The following GPATCH1 variants were observed in gnomAD, a reference collection of about 807,000 sequenced individuals.
GPATCH1 encodes the protein G-patch domain containing 1, also known as G patch domain-containing protein 1.
Under a neutral mutation model 114.9 loss-of-function variants are expected in GPATCH1, and 73 were observed. The ratio of observed to expected loss-of-function variants is 0.64; its 90% CI spans 0.53 to 0.77. GPATCH1 has a LOEUF of 0.77. Among genes scored for constraint, GPATCH1 ranks in the 30% least tolerant of loss-of-function variants. GPATCH1 has a pLI of 0.00. For synonymous variants in GPATCH1, 391 were observed against 428.4 expected (o/e 0.91, Z 1.08); for missense variants, 1,058 against 1,144.3 (o/e 0.92, Z 1.09).
intron 17 of GPATCH1, among the ~76,000 whole-genome samples, chr19:33,123,949 G>A (rs6510354): frequency 0.21 from 32,152 of 151,628 alleles, 4,793 homozygotes; most frequent in African/African-American, 0.41. Flanking sequence ...TGCCTCCTGG[G>A]TTCAAGTGAT....
At position 33,116,553 on chromosome 19, in the gene GPATCH1, G is replaced by A. The variant is rs572491698; in HGVS notation, c.2197-1272G>A. Among the ~76,000 whole-genome samples the A allele has an allele frequency of 6.3e-4, 96 of 152,184 alleles. 1 individual carries two copies. The highest frequency in any genetic ancestry group is 1.3e-4 in the Non-Finnish European group (9 of 68,004). The stretch of plus-strand genomic sequence containing the variant: ...GTTTTGTTTGTTTGTTTTTTGAGAC[G>A]GAGTCTCGCTCTGTCACCCAGGCTG... On this transcript the variant is annotated intron_variant, in intron 15 of 19. Coordinates refer to ENST00000170564, the MANE Select transcript of GPATCH1 (RefSeq NM_018025.3).
intron 8 of GPATCH1, among the ~76,000 whole-genome samples, chr19:33,099,471 G>T (rs1972699817): frequency 6.6e-6 from 1 of 151,820 alleles, no homozygotes; most frequent in Non-Finnish European, 1.5e-5. Flanking sequence ...CTCTGCTGTG[G>T]CCTCTCTCCC....
intron 2 of GPATCH1, among the ~76,000 whole-genome samples, chr19:33,089,291 G>A (rs1372010849): frequency 6.6e-6 from 1 of 152,168 alleles, no homozygotes; most frequent in Non-Finnish European, 1.5e-5. Context: ...CATGGCGTTA[G>A]TGCTGAGGGA....
chr19:33,125,045 T>G, intron 17 of GPATCH1, 60 bp from the exon 18 acceptor site: 1 of 1,544,170 alleles, frequency 6.5e-7, no homozygotes, highest in Non-Finnish European at 8.8e-7. Context: ...GGAGCTTAGT[T>G]TTGGATAGTC....
At chr19:33,127,424 G>A (rs1973054347) in intron 19 of GPATCH1, among the ~76,000 whole-genome samples, 2 of 151,618 alleles carry the variant, frequency 1.3e-5, no homozygotes, top group African/African-American at 4.8e-5. Context: ...GCTGAGGCAG[G>A]AGAATGGCGT....
chr19:33,120,868 T>C (rs1972975895), intron 17 of GPATCH1, among the ~76,000 whole-genome samples: 1 of 151,734 alleles, frequency 6.6e-6, no homozygotes, highest in African/African-American at 2.4e-5. Flanking sequence ...CATGTGCCTG[T>C]AGTCCCAGCT....
chr19:33,099,971 A>T (rs1360956859), intron 8 of GPATCH1, among the ~76,000 whole-genome samples: 1 of 151,554 alleles, frequency 6.6e-6, no homozygotes, highest in Non-Finnish European at 1.5e-5. Context: ...GAGTTTCATC[A>T]TGTTGGCCAG....
At chr19:33,101,372 A>C in intron 8 of GPATCH1, 123 bp from the exon 9 acceptor site, 1 of 644,266 alleles carries the variant, frequency 1.6e-6, no homozygotes, top group Admixed American at 2.7e-5. Context: ...GCTGCTGTTG[A>C]GTGATAGCAT....
chr19:33,082,877 C>G (rs887392323), intron 1 of GPATCH1, among the ~76,000 whole-genome samples: 1 of 152,164 alleles, frequency 6.6e-6, no homozygotes, highest in South Asian at 2.1e-4. Flanking sequence ...AAGCGATGCT[C>G]TCACCTTGGC....
intron 8 of GPATCH1, among the ~76,000 whole-genome samples, chr19:33,100,586 C>CAA (rs10609716): frequency 4.0e-3 from 243 of 60,854 alleles, no homozygotes; most frequent in Non-Finnish European, 5.2e-3. Context: ...GACTCCATCT[C>CAA]AAAAAAAAAA....
intron 3 of GPATCH1, among the ~76,000 whole-genome samples, 163 bp from the exon 4 acceptor site, chr19:33,093,195 AT>A (rs1972616211): frequency 6.6e-6 from 1 of 152,236 alleles, no homozygotes; most frequent in African/African-American, 2.4e-5. Flanking sequence ...TCTCAAAAAA[AT>A]AAATAAATAA....
intron 15 of GPATCH1, among the ~76,000 whole-genome samples, chr19:33,114,797 C>CTTTTT (rs546074419): frequency 1.4e-3 from 122 of 87,186 alleles, no homozygotes; most frequent in East Asian, 3.0e-3. Context: ...CTATTTCTCT[C>CTTTTT]TTTTTTTTTT....
chr19:33,122,468 G>C (rs1972996131), intron 17 of GPATCH1, among the ~76,000 whole-genome samples: 1 of 152,036 alleles, frequency 6.6e-6, no homozygotes, highest in Admixed American at 6.6e-5. Context: ...GGGACTACAG[G>C]TGCCTGCCAC....
chr19:33,118,453 A>G (rs1320601359), intron 16 of GPATCH1, among the ~76,000 whole-genome samples: 1 of 152,176 alleles, frequency 6.6e-6, no homozygotes, highest in Non-Finnish European at 1.5e-5. Flanking sequence ...TGCTGGGATT[A>G]CAGGCATAAT....
At position 33,106,875 on chromosome 19, in the gene GPATCH1, T is replaced by G. The variant is rs1972791093; in HGVS notation, c.1261T>G (p.Leu421Val). The change falls in exon 10 of 20, where the codon TTG (leucine) becomes GTG (valine). Residue 421 changes from leucine (L) to valine (V), a missense_variant. Leu to Val is a conservative substitution (Grantham distance 32, BLOSUM62 1). This residue lies in a region of GPATCH1 where 893 missense variants were observed against 977.4 expected (regional missense o/e 0.91). Transcript: ENST00000170564. ...HQLNASKRAE[L>V]LGETPIQGSA... ...ACTGAATGCCTCCAAACGGGCTGAG[T>G]TGCTTGGAGAGACGCCTATTCAAGG... is the stretch of plus-strand genomic sequence containing the variant. The G allele has an allele frequency of 6.2e-7, 1 of 1,613,658 alleles. No individual in the cohort carries two copies. Among genetic ancestry groups the G allele is most frequent in the Admixed American group, 1.7e-5 (1 of 59,956 alleles).
intron 8 of GPATCH1, among the ~76,000 whole-genome samples, chr19:33,098,801 G>C (rs1972692710): frequency 6.6e-6 from 1 of 152,140 alleles, no homozygotes; most frequent in Non-Finnish European, 1.5e-5. Flanking sequence ...TGGTATGACA[G>C]GGAACCCAGG....
rs1568349153 is a variant in GPATCH1 at position 33,118,023 on chromosome 19, ACAT to A, written c.2400_2402del (p.Ser801del). On this transcript the variant is annotated inframe_deletion, in exon 16 of 20. Coordinates refer to ENST00000170564, the MANE Select transcript of GPATCH1 (RefSeq NM_018025.3). Reference sequence around the variant, plus strand: ...CTCCCAAGACACTGACTTGGGGGAAACATCATCTGTGGCTCACGGTATGTCAGT... The same window carrying A: ...CTCCCAAGACACTGACTTGGGGGAAACATCTGTGGCTCACGGTATGTCAGT... The A allele has an allele frequency of 8.1e-6, 13 of 1,613,330 alleles. No individual in the cohort carries two copies. Among genetic ancestry groups the A allele is most frequent in the Non-Finnish European group, 1.0e-5 (12 of 1,179,398 alleles).
chr19:33,091,512 C>G (rs1445005968), intron 3 of GPATCH1, among the ~76,000 whole-genome samples: 1 of 151,508 alleles, frequency 6.6e-6, no homozygotes, highest in Admixed American at 6.6e-5. Flanking sequence ...AACTCTCAGG[C>G]ACACTGCAGT....
chr19:33,098,325 G>A (rs1215792690), intron 8 of GPATCH1, among the ~76,000 whole-genome samples: 1 of 152,244 alleles, frequency 6.6e-6, no homozygotes, highest in Admixed American at 6.5e-5. Flanking sequence ...GCAGCAAGAT[G>A]GAGCTGGGCG....
Sources: allele counts gnomAD v4.1 joint callset (sites outside exome capture counted in the v4.1 genomes callset), GRCh38; gene constraint gnomAD v4.1.1; regional missense constraint gnomAD v4.1.1; transcripts MANE v1.5; gene names NCBI Gene and HGNC (gene_info 2026-07-23, HGNC 2026-07-21).